CWC27: variants seen among roughly 807,000 people sequenced by gnomAD.
CWC27 encodes CWC27 spliceosome associated cyclophilin.
A neutral mutation model predicts 63.6 loss-of-function variants in CWC27; 47 were observed. The ratio of observed to expected loss-of-function variants is 0.74; its 90% CI spans 0.58 to 0.94. The LOEUF (loss-of-function observed/expected upper bound fraction) is 0.94, where lower values mean the gene tolerates loss of function less well. Among genes scored for constraint, CWC27 ranks in the 40% least tolerant of loss-of-function variants. CWC27 has a pLI of 0.00. For missense variants in CWC27, 495 were observed against 554.3 expected (o/e 0.89, Z 1.07); for synonymous variants, 175 against 179.8 (o/e 0.97, Z 0.22).
chr5:64,847,596 G>C (rs1746023351), intron 10 of CWC27, among the ~76,000 whole-genome samples: 1 of 152,080 alleles, frequency 6.6e-6, no homozygotes, highest in East Asian at 1.9e-4. Flanking sequence ...AATTTTCCTT[G>C]AGGACACACA....
chr5:64,950,720 C>A (rs1375250115), intron 11 of CWC27, among the ~76,000 whole-genome samples: 1 of 151,918 alleles, frequency 6.6e-6, no homozygotes, highest in Non-Finnish European at 1.5e-5. Context: ...ATATAACCAC[C>A]AGCACAATCA....
At chr5:65,006,998 GAAAGAAAGAAAGAAAGAAA>G (rs1749856382) in intron 13 of CWC27, among the ~76,000 whole-genome samples, 1 of 149,014 alleles carries the variant, frequency 6.7e-6, no homozygotes, top group African/African-American at 2.5e-5. Flanking sequence ...AAGAAAGAAA[GAAAGAAAGAAAGAAAGAAA>G]GAAAGAAAAG....
chr5:64,852,907 T>G (rs1746170482), intron 10 of CWC27, among the ~76,000 whole-genome samples: 1 of 152,184 alleles, frequency 6.6e-6, no homozygotes, highest in Non-Finnish European at 1.5e-5. Flanking sequence ...TTGAATTCTT[T>G]TAAGAGAAAA....
intron 11 of CWC27, among the ~76,000 whole-genome samples, chr5:64,965,264 C>G (rs1748991798): frequency 6.6e-6 from 1 of 152,128 alleles, no homozygotes; most frequent in African/African-American, 2.4e-5. Context: ...TTCTTAACTT[C>G]TATTACAAAA....
At chr5:64,989,309 G>A (rs1221264760) in intron 13 of CWC27, among the ~76,000 whole-genome samples, 1 of 152,124 alleles carries the variant, frequency 6.6e-6, no homozygotes, top group Non-Finnish European at 1.5e-5. Context: ...TCTCAAACTG[G>A]CTTATGCCAA....
chr5:64,934,455 G>T (rs1045536619), intron 11 of CWC27, among the ~76,000 whole-genome samples: 2 of 152,184 alleles, frequency 1.3e-5, no homozygotes, highest in Non-Finnish European at 1.5e-5. Context: ...TGGCTGCATA[G>T]TATTCCATGG....
At chr5:64,997,297 C>T (rs541225064) in intron 13 of CWC27, among the ~76,000 whole-genome samples, 2 of 152,136 alleles carry the variant, frequency 1.3e-5, no homozygotes, top group African/African-American at 4.8e-5. Flanking sequence ...TAACTCTGTG[C>T]CCTAAAGTGT....
At chr5:64,987,682 A>C (rs540545385) in intron 13 of CWC27, among the ~76,000 whole-genome samples, 2 of 152,154 alleles carry the variant, frequency 1.3e-5, no homozygotes, top group Non-Finnish European at 2.9e-5. Context: ...TTTAACCTGC[A>C]TTTCTGAGGG....
chr5:64,829,415 T>C (rs1212274971), intron 10 of CWC27, among the ~76,000 whole-genome samples: 2 of 152,124 alleles, frequency 1.3e-5, no homozygotes, highest in East Asian at 3.8e-4. Context: ...AAAAATTTAA[T>C]TTGGGATCTG....
At chr5:64,975,892 C>T (rs911063291) in intron 12 of CWC27, among the ~76,000 whole-genome samples, 2 of 151,920 alleles carry the variant, frequency 1.3e-5, no homozygotes, top group African/African-American at 2.4e-5. Flanking sequence ...TAATGAAACC[C>T]CATCTCTGCT....
chr5:64,818,622 T>C (rs868435375), intron 10 of CWC27, among the ~76,000 whole-genome samples: 16 of 152,200 alleles, frequency 1.1e-4, no homozygotes, highest in African/African-American at 3.1e-4. Flanking sequence ...TGCTGCTGTT[T>C]GGTAAGAGTA....
intron 10 of CWC27, among the ~76,000 whole-genome samples, chr5:64,871,785 A>G (rs1235949727): frequency 6.6e-6 from 1 of 152,190 alleles, no homozygotes; most frequent in Non-Finnish European, 1.5e-5. Context: ...TTGGGCAGGC[A>G]TCTGTACCAA....
intron 10 of CWC27, among the ~76,000 whole-genome samples, chr5:64,855,930 T>C (rs1218014445): frequency 1.3e-5 from 2 of 152,120 alleles, no homozygotes; most frequent in Non-Finnish European, 2.9e-5. Flanking sequence ...AGAAAATGGC[T>C]GTTCATAAGA....
Position 65,018,158 on chromosome 5 carries a change from G to T in CWC27, c.1257-1G>T. On this transcript the variant is annotated splice_acceptor_variant, in intron 13 of 13. Coordinates refer to ENST00000381070, the MANE Select transcript of CWC27 (RefSeq NM_005869.4). LOFTEE classifies it high-confidence loss of function. ...ACTGAACCATCTCTCTCCCTATTTA[G>T]GATGTCACATGTACTTCAGTTTGAG... 1 of 1,586,762 alleles carries T rather than the reference G, an allele frequency of 6.3e-7. No individual in the cohort carries two copies. Among genetic ancestry groups the T allele is most frequent in the South Asian group, 1.2e-5 (1 of 84,910 alleles).
chr5:64,999,289 T>A (rs541490071), intron 13 of CWC27, among the ~76,000 whole-genome samples: 29 of 152,278 alleles, frequency 1.9e-4, no homozygotes, highest in African/African-American at 4.8e-4. Context: ...ACATGTGATA[T>A]TTTGATAGGT....
At chr5:64,844,745 G>A (rs1335124253) in intron 10 of CWC27, among the ~76,000 whole-genome samples, 2 of 152,226 alleles carry the variant, frequency 1.3e-5, no homozygotes, top group African/African-American at 4.8e-5. Flanking sequence ...CATAGGCAGG[G>A]AGATTTCCAC....
intron 11 of CWC27, among the ~76,000 whole-genome samples, chr5:64,898,705 C>T (rs1198013193): frequency 1.3e-5 from 2 of 151,968 alleles, no homozygotes; most frequent in Non-Finnish European, 2.9e-5. Flanking sequence ...CAAAAAATGC[C>T]ATGTTTAAAT....
intron 10 of CWC27, among the ~76,000 whole-genome samples, chr5:64,835,714 C>T (rs1745642538): frequency 6.6e-6 from 1 of 151,774 alleles, no homozygotes; most frequent in South Asian, 2.1e-4. Context: ...TTCTCCTGAA[C>T]ATCTAAGTCA....
At chr5:64,887,184 G>C (rs946880272) in intron 11 of CWC27, among the ~76,000 whole-genome samples, 1 of 151,740 alleles carries the variant, frequency 6.6e-6, no homozygotes, top group African/African-American at 2.4e-5. Context: ...AATGCAATAG[G>C]TATACTATAA....
Sources: gnomAD v4.1 joint callset for allele counts (sites outside exome capture counted in the v4.1 genomes callset) on GRCh38, gnomAD v4.1.1 for gene constraint, MANE v1.5 for transcripts, NCBI Gene and HGNC (gene_info 2026-07-23, HGNC 2026-07-21) for gene names.